Variants in ENTREP2 observed in about 807,000 individuals in gnomAD.
ENTREP2 encodes endosomal transmembrane epsin interactor 2.
At chr15:29,250,269 T>C in the ENTREP2 span, among the ~76,000 whole-genome samples, 1 of 152,106 alleles carries the variant, frequency 6.6e-6, no homozygotes, top group African/African-American at 2.4e-5. Context: ...CCCAAGCAAA[T>C]GAACACACTG....
chr15:29,364,237 G>A, the ENTREP2 span, among the ~76,000 whole-genome samples: 25,800 of 152,148 alleles, frequency 0.17, 2,399 homozygotes, highest in East Asian at 0.38. Context: ...GGCATGGAAA[G>A]AGGTTTTTTT....
At chr15:29,570,414 G>C in the ENTREP2 span, 1 of 846,616 alleles carries the variant, frequency 1.2e-6, no homozygotes, top group Non-Finnish European at 1.5e-6. Context: ...GGAACTTGCC[G>C]CCCGCGGTGG....
the ENTREP2 span, among the ~76,000 whole-genome samples, chr15:29,596,818 G>A: frequency 2.4e-3 from 368 of 152,014 alleles, 3 homozygotes; most frequent in Non-Finnish European, 2.2e-3. Context: ...ACAGGCGCCC[G>A]CTGCCATGCC....
the ENTREP2 span, among the ~76,000 whole-genome samples, chr15:29,415,553 G>C: frequency 3.4e-4 from 52 of 152,090 alleles, no homozygotes; most frequent in African/African-American, 1.2e-3. Flanking sequence ...ATACTGAATG[G>C]GCAAAAACTG....
At chr15:29,192,524 T>C in the ENTREP2 span, among the ~76,000 whole-genome samples, 2 of 152,052 alleles carry the variant, frequency 1.3e-5, no homozygotes, top group Non-Finnish European at 2.9e-5. Context: ...GGACAGCAAA[T>C]TCTAAGGAAA....
chr15:29,223,006 G>A, the ENTREP2 span, among the ~76,000 whole-genome samples: 1 of 152,196 alleles, frequency 6.6e-6, no homozygotes, highest in African/African-American at 2.4e-5. Context: ...CTGAAAACAT[G>A]AATACAGCAC....
At chr15:29,585,805 A>G in the ENTREP2 span, among the ~76,000 whole-genome samples, 1 of 150,310 alleles carries the variant, frequency 6.7e-6, no homozygotes, top group Admixed American at 6.7e-5. Flanking sequence ...GCAGTGAGCC[A>G]AGATCCCGCC....
the ENTREP2 span, chr15:29,234,710 G>T: frequency 6.5e-7 from 1 of 1,529,860 alleles, no homozygotes. Flanking sequence ...CTCATAAGTA[G>T]TTCCATTGTG....
chr15:29,147,339 GA>G, the ENTREP2 span, among the ~76,000 whole-genome samples: 18 of 152,156 alleles, frequency 1.2e-4, no homozygotes, highest in Admixed American at 1.2e-3. Context: ...AAACCACAAT[GA>G]AATACCACTT....
At chr15:29,320,056 G>A in the ENTREP2 span, among the ~76,000 whole-genome samples, 1 of 152,166 alleles carries the variant, frequency 6.6e-6, no homozygotes, top group Non-Finnish European at 1.5e-5. Flanking sequence ...CCATCTGGGG[G>A]AAGGCGTTTT....
the ENTREP2 span, among the ~76,000 whole-genome samples, chr15:29,510,122 T>C: frequency 6.6e-6 from 1 of 152,326 alleles, no homozygotes; most frequent in Admixed American, 6.5e-5. Flanking sequence ...AGAAGACATT[T>C]ATGTAGCCAG....
the ENTREP2 span, among the ~76,000 whole-genome samples, chr15:29,627,733 C>A: frequency 1.3e-5 from 2 of 152,148 alleles, no homozygotes; most frequent in Non-Finnish European, 2.9e-5. Context: ...CAAGTGAAAT[C>A]ATACACTTTG....
the ENTREP2 span, among the ~76,000 whole-genome samples, chr15:29,316,014 G>A: frequency 6.6e-6 from 1 of 151,868 alleles, no homozygotes; most frequent in Non-Finnish European, 1.5e-5. Context: ...GGGGTGGGGA[G>A]ACAAGGAATA....
chr15:29,634,994 G>A, the ENTREP2 span, among the ~76,000 whole-genome samples: 438 of 152,210 alleles, frequency 2.9e-3, 2 homozygotes, highest in African/African-American at 0.01. Flanking sequence ...ACAGGCGCCT[G>A]CCACCACACC....
At chr15:29,224,282 C>T in the ENTREP2 span, among the ~76,000 whole-genome samples, 49,288 of 150,202 alleles carry the variant, frequency 0.33, 9,927 homozygotes, top group East Asian at 0.6. Context: ...TGCAGACCTT[C>T]GCAGTGAGTG....
chr15:29,320,131 T>C, the ENTREP2 span, among the ~76,000 whole-genome samples: 1 of 152,116 alleles, frequency 6.6e-6, no homozygotes, highest in Non-Finnish European at 1.5e-5. Context: ...CTAGAAACGC[T>C]TGTTAAGGTG....
chr15:29,570,026 C>CAACCCGACGGGAG, the ENTREP2 span: 1 of 140,140 alleles, frequency 7.1e-6, no homozygotes, highest in African/African-American at 2.8e-5. Context: ...CGACGGGAGG[C>CAACCCGACGGGAG]GCCCCTCCCC....
chr15:29,230,659 G>C, the ENTREP2 span, among the ~76,000 whole-genome samples: 1 of 152,114 alleles, frequency 6.6e-6, no homozygotes, highest in Non-Finnish European at 1.5e-5. Context: ...CAACAAAGAA[G>C]TAGTTTTGGT....
chr15:29,218,014 T>C, the ENTREP2 span, among the ~76,000 whole-genome samples: 1 of 152,144 alleles, frequency 6.6e-6, no homozygotes, highest in African/African-American at 2.4e-5. Context: ...GATTGTTGTC[T>C]GTCTTCTGGG....
Sources: allele counts gnomAD v4.1 joint callset (sites outside exome capture counted in the v4.1 genomes callset), GRCh38; gene constraint gnomAD v4.1.1; transcripts MANE v1.5; gene names NCBI Gene and HGNC (gene_info 2026-07-23, HGNC 2026-07-21).